The following POSTN variants were observed in gnomAD, a reference collection of about 807,000 sequenced individuals.
POSTN encodes the protein periostin, also known as osteoblast specific factor 2 (fasciclin I-like).
POSTN carries 71 observed loss-of-function variants against 104.5 expected under a neutral mutation model. That is an observed-to-expected ratio of 0.68 (90% CI 0.56 to 0.83). The LOEUF (loss-of-function observed/expected upper bound fraction) is 0.83. Ranked by LOEUF, POSTN falls within the 40% of genes least tolerant of loss-of-function variation. The pLI is 0.00. For missense variants in POSTN, 949 were observed against 1,006.8 expected, an observed-to-expected ratio of 0.94 and a Z score of 0.78; for synonymous variants, 355 against 340.7, an observed-to-expected ratio of 1.04 and a Z score of -0.46.
At chr13:37,594,093 C>T (rs560609299) in intron 2 of POSTN, among the ~76,000 whole-genome samples, 20 of 152,020 alleles carry the variant, frequency 1.3e-4, no homozygotes, top group Admixed American at 1.2e-3. Flanking sequence ...ATAATAGAGC[C>T]TCTAAATAAT....
chr13:37,579,647 A>G (rs1164630863), intron 12 of POSTN, among the ~76,000 whole-genome samples: 1 of 152,206 alleles, frequency 6.6e-6, no homozygotes, highest in Non-Finnish European at 1.5e-5. Flanking sequence ...CACATAAGTG[A>G]ACATCTAGCC....
chr13:37,569,973 A>G (rs765614121), intron 19 of POSTN, 152 bp from the exon 20 acceptor site: 2 of 585,256 alleles, frequency 3.4e-6, no homozygotes, highest in Non-Finnish European at 6.1e-6. Context: ...AGCCTTAGGT[A>G]TTATATAAAT....
intron 8 of POSTN, 31 bp from the exon 9 acceptor site, chr13:37,584,134 T>A (rs780884875): frequency 6.2e-7 from 1 of 1,612,064 alleles, no homozygotes; most frequent in African/African-American, 1.3e-5. Flanking sequence ...ATCACAACAA[T>A]GTCATCATTG....
intron 21 of POSTN, among the ~76,000 whole-genome samples, chr13:37,565,819 T>C (rs1426923484): frequency 6.6e-6 from 1 of 152,152 alleles, no homozygotes; most frequent in Non-Finnish European, 1.5e-5. Flanking sequence ...TAAATATAAA[T>C]ATTTCTTAAC....
intron 17 of POSTN, among the ~76,000 whole-genome samples, chr13:37,574,031 A>C (rs1055897622): frequency 2.6e-5 from 4 of 151,762 alleles, no homozygotes; most frequent in African/African-American, 9.7e-5. Context: ...AATTCACTGC[A>C]TAAACTACTC....
chr13:37,594,392 A>G (rs1951026009), intron 2 of POSTN, among the ~76,000 whole-genome samples: 1 of 152,156 alleles, frequency 6.6e-6, no homozygotes, highest in African/African-American at 2.4e-5. Flanking sequence ...TTGTAATATC[A>G]TCAGATAATT....
At chr13:37,572,563 C>A (rs1950292228) in intron 17 of POSTN, among the ~76,000 whole-genome samples, 1 of 151,450 alleles carries the variant, frequency 6.6e-6, no homozygotes, top group Admixed American at 6.6e-5. Context: ...AAAAGCCAAA[C>A]TGAAATTTTG....
chr13:37,573,611 A>T (rs1302190210), intron 17 of POSTN, among the ~76,000 whole-genome samples: 1 of 151,564 alleles, frequency 6.6e-6, no homozygotes, highest in Non-Finnish European at 1.5e-5. Flanking sequence ...AGAAATAGCA[A>T]AACCAAACAT....
intron 5 of POSTN, 24 bp downstream of exon 5, chr13:37,587,798 G>A: frequency 6.7e-7 from 1 of 1,489,668 alleles, no homozygotes; most frequent in Non-Finnish European, 9.2e-7. Flanking sequence ...TTTCATAAGT[G>A]TACTTTTTAC....
chr13:37,570,884 A>G (rs1950242069), intron 18 of POSTN: 1 of 460,736 alleles, frequency 2.2e-6, no homozygotes, highest in East Asian at 3.5e-5. Context: ...AGAGAGGGCC[A>G]TTTGACATCC....
At chr13:37,594,550 TC>T (rs1951032341) in intron 2 of POSTN, among the ~76,000 whole-genome samples, 1 of 152,138 alleles carries the variant, frequency 6.6e-6, no homozygotes, top group Admixed American at 6.6e-5. Flanking sequence ...TATACATAGC[TC>T]TAAACATGAG....
intron 2 of POSTN, 87 bp from the exon 3 acceptor site, chr13:37,592,251 G>A (rs1593365358): frequency 1.2e-6 from 1 of 863,944 alleles, no homozygotes. Context: ...TTCACTTATT[G>A]ACTTGATTTG....
intron 12 of POSTN, 22 bp downstream of exon 12, chr13:37,579,839 T>G (rs763324752): frequency 6.2e-7 from 1 of 1,602,720 alleles, no homozygotes; most frequent in Non-Finnish European, 8.5e-7. Flanking sequence ...AGGGAAAATA[T>G]CTGGAATTCA....
chr13:37,569,688 C>T (rs1950206293), intron 20 of POSTN, 56 bp downstream of exon 20: 1 of 1,242,650 alleles, frequency 8.0e-7, no homozygotes, highest in Admixed American at 1.7e-5. Flanking sequence ...TTATTTTAGA[C>T]TTGTATATGG....
chr13:37,565,848 C>T (rs767774341), intron 21 of POSTN, among the ~76,000 whole-genome samples: 103 of 152,010 alleles, frequency 6.8e-4, no homozygotes, highest in Non-Finnish European at 5.3e-4. Flanking sequence ...TATTTGGTAA[C>T]GAAATAATGG....
intron 12 of POSTN, 119 bp downstream of exon 12, chr13:37,579,742 G>C (rs1293349606): frequency 1.7e-6 from 2 of 1,159,148 alleles, no homozygotes; most frequent in East Asian, 5.1e-5. Context: ...GGAAACTAAA[G>C]CTAACCATGA....
intron 1 of POSTN, 48 bp downstream of exon 1, chr13:37,598,560 A>G (rs768534063): frequency 1.3e-5 from 21 of 1,562,826 alleles, no homozygotes; most frequent in Non-Finnish European, 1.8e-5. Flanking sequence ...ACATCTAACA[A>G]GCTGAGGAAA....
chr13:37,580,554 G>C lies in POSTN; in HGVS notation c.1529+7C>G, dbSNP rs764127640. The C allele has an allele frequency of 6.2e-7, 1 of 1,613,884 alleles. No individual in the cohort carries two copies. The highest frequency in any genetic ancestry group is 1.1e-5 in the South Asian group (1 of 91,070). On this transcript the variant is annotated splice_region_variant and intron_variant, in intron 11 of 22. Transcript: ENST00000379747. ...ATTCTCTGTGGAGGTGCCACTAATA[G>C]GCTTACCTAAAGCGCTTATCTTGTT...
chr13:37,598,722 A>T lies in POSTN; in HGVS notation c.5T>A (p.Ile2Asn). 1 of 1,612,870 alleles carries T rather than the reference A, an allele frequency of 6.2e-7. No individual in the cohort carries two copies. The highest frequency in any genetic ancestry group is 8.5e-7 in the Non-Finnish European group (1 of 1,179,040). Residue 2 changes from isoleucine (I) to asparagine (N), a missense_variant, in exon 1 of 23, where the codon ATT becomes AAT. Physicochemically the swap from Ile to Asn is moderately radical, Grantham distance 149. Coordinates refer to ENST00000379747, the MANE Select transcript of POSTN (RefSeq NM_006475.3). ...TAGAGAAAACATGGGTAAAAAGGGA[A>T]TCATCTTGAGTCTCTCCGTTGCAGT... M[I>N]PFLPMFSLLL...
Sources: allele counts gnomAD v4.1 joint callset (sites outside exome capture counted in the v4.1 genomes callset), GRCh38; gene constraint gnomAD v4.1.1; transcripts MANE v1.5; gene names NCBI Gene and HGNC (gene_info 2026-07-23, HGNC 2026-07-21).